WDPCP: variants seen among roughly 807,000 people sequenced by gnomAD.
WDPCP encodes the protein WD repeat containing planar cell polarity effector.
WDPCP carries 71 observed loss-of-function variants against 93.1 expected under a neutral mutation model. The ratio of observed to expected loss-of-function variants is 0.76; its 90% CI spans 0.63 to 0.93. The LOEUF is 0.93. WDPCP is among the 40% of genes least tolerant of loss of function. WDPCP has a pLI of 0.00. For synonymous variants in WDPCP, 315 were observed against 315.0 expected (o/e 1.00, Z 0.00); for missense variants, 844 against 887.4 (o/e 0.95, Z 0.62).
intron 3 of WDPCP, among the ~76,000 whole-genome samples, chr2:63,645,858 A>C (rs1384646175): frequency 6.6e-6 from 1 of 151,864 alleles, no homozygotes; most frequent in Admixed American, 6.6e-5. Context: ...ATGGACTATC[A>C]TTTTCCATCC....
intron 1 of WDPCP, among the ~76,000 whole-genome samples, chr2:63,560,680 C>G (rs753286070): frequency 1.3e-5 from 2 of 152,054 alleles, no homozygotes; most frequent in Non-Finnish European, 2.9e-5. Flanking sequence ...ATGTCCTTTG[C>G]AGGGACATAG....
intron 17 of WDPCP, among the ~76,000 whole-genome samples, chr2:63,129,791 A>C (rs1203188558): frequency 6.6e-6 from 1 of 152,168 alleles, no homozygotes; most frequent in Non-Finnish European, 1.5e-5. Context: ...CCTGATATTA[A>C]ATGCGTAGTA....
At chr2:63,837,801 G>T in the WDPCP span, among the ~76,000 whole-genome samples, 1 of 152,196 alleles carries the variant, frequency 6.6e-6, no homozygotes, top group African/African-American at 2.4e-5. Context: ...GTTTTATATG[G>T]CTCTCAAAGA....
At chr2:63,481,393 A>G (rs1280130754) in intron 6 of WDPCP, among the ~76,000 whole-genome samples, 1 of 152,108 alleles carries the variant, frequency 6.6e-6, no homozygotes, top group Non-Finnish European at 1.5e-5. Context: ...ACTACTGGGT[A>G]TCTACCGAGA....
At chr2:63,644,256 T>TC (rs974990862) in intron 3 of WDPCP, among the ~76,000 whole-genome samples, 16 of 149,238 alleles carry the variant, frequency 1.1e-4, no homozygotes, top group African/African-American at 4.0e-4. Flanking sequence ...TTTTTTTTTT[T>TC]TTTTTTGAGA....
chr2:63,671,821 T>C (rs1710351633), intron 2 of WDPCP, among the ~76,000 whole-genome samples: 2 of 152,190 alleles, frequency 1.3e-5, no homozygotes, highest in Non-Finnish European at 2.9e-5. Flanking sequence ...TTATATACAA[T>C]GCAAGGCCTA....
chr2:63,626,603 A>T (rs1484163344), intron 3 of WDPCP, among the ~76,000 whole-genome samples: 1 of 152,246 alleles, frequency 6.6e-6, no homozygotes, highest in Non-Finnish European at 1.5e-5. Context: ...CATTAGAGAA[A>T]TGCAAATCAA....
At chr2:63,583,778 A>G (rs1409658845) in intron 1 of WDPCP, among the ~76,000 whole-genome samples, 1 of 152,096 alleles carries the variant, frequency 6.6e-6, no homozygotes, top group Admixed American at 6.5e-5. Context: ...TTGTTGTTCA[A>G]TAATAAAAGA....
intron 3 of WDPCP, among the ~76,000 whole-genome samples, chr2:63,626,380 T>C (rs571203305): frequency 1.5e-3 from 232 of 152,206 alleles, no homozygotes; most frequent in South Asian, 3.3e-3. Flanking sequence ...GCAAAATAAA[T>C]TATCATTAGA....
At chr2:63,304,917 C>T (rs1038285474) in intron 13 of WDPCP, among the ~76,000 whole-genome samples, 2 of 152,108 alleles carry the variant, frequency 1.3e-5, no homozygotes. Flanking sequence ...GGGAGAGCGG[C>T]ATCCACCATT....
intron 14 of WDPCP, 99 bp from the exon 15 acceptor site, chr2:63,174,931 G>T: frequency 7.4e-7 from 1 of 1,348,236 alleles, no homozygotes. Flanking sequence ...TATCCCAGTG[G>T]AACTTTTTTC....
At chr2:63,506,324 A>G (rs1701867881) in intron 1 of WDPCP, among the ~76,000 whole-genome samples, 1 of 152,108 alleles carries the variant, frequency 6.6e-6, no homozygotes, top group Non-Finnish European at 1.5e-5. Flanking sequence ...CCGGCTCCAA[A>G]TAACTTGGCA....
At chr2:63,397,515 A>G (rs1167018091) in intron 10 of WDPCP, among the ~76,000 whole-genome samples, 2 of 152,114 alleles carry the variant, frequency 1.3e-5, no homozygotes, top group African/African-American at 2.4e-5. Flanking sequence ...AATAAAGTAT[A>G]AACCTGCACA....
At chr2:63,240,568 G>T (rs1400790999) in intron 14 of WDPCP, among the ~76,000 whole-genome samples, 1 of 151,986 alleles carries the variant, frequency 6.6e-6, no homozygotes, top group Non-Finnish European at 1.5e-5. Flanking sequence ...AGATATTTTT[G>T]TTATACTCCA....
chr2:63,738,555 A>G (rs1018520738), intron 2 of WDPCP, among the ~76,000 whole-genome samples: 1 of 152,062 alleles, frequency 6.6e-6, no homozygotes, highest in Admixed American at 6.6e-5. Flanking sequence ...TCACTTTTAG[A>G]ATTAAATGGT....
chr2:63,338,500 C>T (rs560561064), intron 12 of WDPCP, among the ~76,000 whole-genome samples: 78 of 144,274 alleles, frequency 5.4e-4, no homozygotes, highest in African/African-American at 1.8e-3. Flanking sequence ...TGCAGTTAGC[C>T]GAGATCGCAC....
intron 12 of WDPCP, among the ~76,000 whole-genome samples, chr2:63,343,289 ATT>A (rs202066228): frequency 4.8e-5 from 7 of 146,220 alleles, no homozygotes; most frequent in East Asian, 2.0e-4. Flanking sequence ...ATTACAGGTG[ATT>A]TTTTTTTTTT....
At chr2:63,345,892 G>A (rs1262262395) in intron 12 of WDPCP, among the ~76,000 whole-genome samples, 1 of 152,142 alleles carries the variant, frequency 6.6e-6, no homozygotes, top group Non-Finnish European at 1.5e-5. Context: ...CTGCCAGGCT[G>A]ATAACTACAG....
At chr2:63,509,186 A>T (rs1702067938) in intron 1 of WDPCP, among the ~76,000 whole-genome samples, 1 of 152,198 alleles carries the variant, frequency 6.6e-6, no homozygotes, top group Non-Finnish European at 1.5e-5. Flanking sequence ...ATTGGAAGTA[A>T]AACACTCCTC....
Sources: gnomAD v4.1 joint callset for allele counts (sites outside exome capture counted in the v4.1 genomes callset) on GRCh38, gnomAD v4.1.1 for gene constraint, MANE v1.5 for transcripts, NCBI Gene and HGNC (gene_info 2026-07-23, HGNC 2026-07-21) for gene names.